Variants in NPHP4 observed in about 807,000 individuals in gnomAD.
The protein encoded by NPHP4 is nephrocystin-4.
A neutral mutation model predicts 155.8 loss-of-function variants in NPHP4; 151 were observed. That is an observed-to-expected ratio of 0.97 (90% CI 0.85 to 1.11). The LOEUF is 1.11. Ranked by LOEUF, NPHP4 falls within the 50% of genes least tolerant of loss-of-function variation. The pLI, the probability that NPHP4 is intolerant of heterozygous loss-of-function variation, is 0.00. For synonymous variants in NPHP4, 845 were observed against 816.8 expected (o/e 1.03, Z -0.59); for missense variants, 1,956 against 1,925.7 (o/e 1.02, Z -0.29).
At chr1:5,983,319 C>T (rs767185320) in intron 2 of NPHP4, among the ~76,000 whole-genome samples, 7 of 152,170 alleles carry the variant, frequency 4.6e-5, no homozygotes, top group Non-Finnish European at 1.0e-4. Flanking sequence ...TGCCCTTTTG[C>T]TGGAGTCTGG....
Position 5,882,218 on chromosome 1 carries a change from GCGC to G in NPHP4, c.2486-1982_2486-1980del. On this transcript the variant is annotated intron_variant, in intron 18 of 29. Transcript: ENST00000378156. The surrounding 1 kb of genome is among the most constrained non-coding windows in gnomAD (Gnocchi z 5.1). Reference sequence around the variant, plus strand: ...GCTTACCCAGCCATCTCTCAGTGGCGCGCTTACCCAGCCATCTCTCAGTGGCGC... The same window carrying G: ...GCTTACCCAGCCATCTCTCAGTGGCGTTACCCAGCCATCTCTCAGTGGCGC... The G allele has an allele frequency of 6.8e-6, 1 of 147,624 alleles. No homozygotes were observed. Among genetic ancestry groups the G allele is most frequent in the African/African-American group, 2.5e-5 (1 of 39,718 alleles). 9.1% of individuals were successfully genotyped at this position (147,624 alleles called of 1,614,324 possible).
At chr1:5,974,685 GA>G (rs141487146) in intron 3 of NPHP4, among the ~76,000 whole-genome samples, 107 of 144,932 alleles carry the variant, frequency 7.4e-4, no homozygotes, top group Middle Eastern at 3.6e-3. Context: ...ATCATTTGCA[GA>G]AAAAAAAAAA....
chr1:5,978,206 C>A, intron 3 of NPHP4, 64 bp downstream of exon 3: 1 of 1,513,802 alleles, frequency 6.6e-7, no homozygotes, highest in South Asian at 1.2e-5. Context: ...GGCTGCCACC[C>A]AGGACCACCC....
At chr1:5,871,724 G>A (rs1642023757) in intron 23 of NPHP4, among the ~76,000 whole-genome samples, 2 of 152,172 alleles carry the variant, frequency 1.3e-5, no homozygotes, top group African/African-American at 4.8e-5. Context: ...CATGGACAAC[G>A]TGGTCTGCCC....
intron 2 of NPHP4, among the ~76,000 whole-genome samples, chr1:5,982,905 A>G (rs936609805): frequency 1.2e-4 from 18 of 152,198 alleles, no homozygotes; most frequent in Non-Finnish European, 2.4e-4. Flanking sequence ...GGGTCCTTTG[A>G]AGCTTATTGG....
rs756111113 is a variant in NPHP4, at chr1:5,866,372, C to A, written c.3644+1G>T. On this transcript the variant is annotated splice_donor_variant, in intron 26 of 29. Coordinates refer to ENST00000378156, the MANE Select transcript of NPHP4 (RefSeq NM_015102.5). LOFTEE classifies it high-confidence loss of function. ...CAGGTCCCCAAAGCCTGTGCACTTA[C>A]GAGTAAATGATGACAAAGAAGTCTT... is the stretch of plus-strand genomic sequence containing the variant. The A allele has an allele frequency of 4.4e-6, 7 of 1,596,392 alleles. No homozygotes were observed. The highest frequency in any genetic ancestry group is 5.1e-6 in the Non-Finnish European group (6 of 1,167,056).
At chr1:5,978,136 G>T in intron 3 of NPHP4, 134 bp downstream of exon 3, 1 of 783,064 alleles carries the variant, frequency 1.3e-6, no homozygotes, top group Non-Finnish European at 2.1e-6. Context: ...TAAGCTCTGT[G>T]CTGCCTGGAC....
At chr1:5,866,259 G>A in intron 26 of NPHP4, 114 bp downstream of exon 26, 1 of 758,010 alleles carries the variant, frequency 1.3e-6, no homozygotes, top group Non-Finnish European at 2.4e-6. Context: ...AGGCCCGAAA[G>A]CTCCCCCAAT....
In NPHP4 at chr1:5,867,468, TC is replaced by T. The variant is rs1641364946; in HGVS notation, c.3472+271del. ...GGCCGTCAGGTGAGGAGGTAGGTGTTCCTCCAGGCACACCTGGACCTGGGCC... is the reference window on the plus strand; with the variant it reads ...GGCCGTCAGGTGAGGAGGTAGGTGTTCTCCAGGCACACCTGGACCTGGGCC... On this transcript the variant is annotated intron_variant, in intron 24 of 29. Coordinates refer to ENST00000378156, the MANE Select transcript of NPHP4 (RefSeq NM_015102.5). This position sits in a 1 kb window ranked among gnomAD's most constrained non-coding sequence, Gnocchi z 4.1. 3 of 562,872 alleles carry T rather than the reference TC, an allele frequency of 5.3e-6. No homozygotes were observed. The highest frequency in any genetic ancestry group is 9.5e-6 in the Non-Finnish European group (3 of 315,196). The allele number at this position is 562,872 out of a possible 1,614,324, so 34.9% of individuals were successfully genotyped here.
In NPHP4 at chr1:5,927,749, G is replaced by C; in HGVS notation, c.1341C>G (p.Phe447Leu). ...QVESGTLRFQ[F>L]SLGSEEHLDA... ...CCAGGTGTTCTTCTGAGCCCAGCGA[G>C]AACTGGAACCGGAGTGTACCCGACT... The change falls in exon 11 of 30, where the codon TTC becomes TTG. Residue 447 changes from phenylalanine to leucine, a missense_variant. Physicochemically the swap from Phe to Leu is conservative, Grantham distance 22 (BLOSUM62 0). Coordinates refer to ENST00000378156, the MANE Select transcript of NPHP4 (RefSeq NM_015102.5). 1 of 1,613,364 alleles carries C rather than the reference G, an allele frequency of 6.2e-7. No homozygotes were observed. Among genetic ancestry groups the C allele is most frequent in the South Asian group, 1.1e-5 (1 of 91,068 alleles).
intron 4 of NPHP4, among the ~76,000 whole-genome samples, chr1:5,968,127 C>T (rs1247147498): frequency 6.6e-6 from 1 of 151,934 alleles, no homozygotes; most frequent in Non-Finnish European, 1.5e-5. Context: ...ATTATCATTA[C>T]TCCTCATATA....
intron 2 of NPHP4, among the ~76,000 whole-genome samples, chr1:5,983,545 G>C (rs1193826734): frequency 6.6e-6 from 1 of 152,126 alleles, no homozygotes; most frequent in Non-Finnish European, 1.5e-5. Context: ...GAGGACTCTT[G>C]GAAGCTTGTA....
At position 5,880,199 on chromosome 1, in the gene NPHP4, C is replaced by T. The variant is rs1271523205; in HGVS notation, c.2526G>A (p.Leu842=). The change falls in exon 19 of 30, where the codon TTG becomes TTA. Residue 842 remains leucine, a synonymous_variant. Transcript: ENST00000378156. ...AGATGACCCGAGATCTGGACGGTGG[C>T]AATGTGCTACAACCTCTCACTTTCT... The part of the protein sequence containing the change: ...CEQKVRGCST[L]PPSRSRVISN... 1.2e-6 allele frequency: 2 copies of T among 1,613,524 alleles called. No individual in the cohort carries two copies. Among genetic ancestry groups the T allele is most frequent in the Non-Finnish European group, 1.7e-6 (2 of 1,179,736 alleles).
At chr1:5,949,247 C>T (rs1000197665) in intron 7 of NPHP4, among the ~76,000 whole-genome samples, 21 of 151,854 alleles carry the variant, frequency 1.4e-4, no homozygotes, top group Non-Finnish European at 4.4e-5. Context: ...TGTTTCAATC[C>T]TATTCTCTGC....
chr1:5,940,740 T>A (rs1646776105), intron 9 of NPHP4, among the ~76,000 whole-genome samples: 1 of 152,130 alleles, frequency 6.6e-6, no homozygotes, highest in East Asian at 1.9e-4. Flanking sequence ...TTAATAAGAA[T>A]TGTTAAAAAT....
chr1:5,889,583 A>G lies in NPHP4; in HGVS notation c.2304+1285T>C, dbSNP rs1391117756. On this transcript the variant is annotated intron_variant, in intron 17 of 29. Transcript: ENST00000378156. This position sits in a 1 kb window ranked among gnomAD's most constrained non-coding sequence, Gnocchi z 4.2. The stretch of plus-strand genomic sequence containing the variant: ...AGCCACTGCCACCCCACACATGCCC[A>G]GCGGGACCCGGCTCTGCCTCCCACA... Among the ~76,000 whole-genome samples, 1 of 152,264 alleles carries G rather than the reference A, an allele frequency of 6.6e-6. No homozygotes were observed. The highest frequency in any genetic ancestry group is 2.1e-4 in the South Asian group (1 of 4,828).
chr1:5,978,351 G>A lies in NPHP4; in HGVS notation c.198C>T (p.Thr66=). Residue 66 remains threonine (T), a synonymous_variant, in exon 3 of 30, where the codon ACC becomes ACT. Coordinates refer to ENST00000378156, the MANE Select transcript of NPHP4 (RefSeq NM_015102.5). The part of the protein sequence containing the change: ...CHLRVSFFDV[T]YRHFFGRTWK... The stretch of plus-strand genomic sequence containing the variant: ...ACGTCCTCCCAAAGAAGTGCCGGTA[G>A]GTGACATCAAAGAAAGACACTCGCA... The A allele has an allele frequency of 6.2e-7, 1 of 1,609,672 alleles. No homozygotes were observed. Among genetic ancestry groups the A allele is most frequent in the South Asian group, 1.1e-5 (1 of 90,358 alleles).
chr1:5,946,572 G>C (rs966777167), intron 9 of NPHP4, among the ~76,000 whole-genome samples: 2 of 152,194 alleles, frequency 1.3e-5, no homozygotes, highest in African/African-American at 4.8e-5. Flanking sequence ...ATATGTATTT[G>C]ATCTTCGTCC....
intron 21 of NPHP4, 52 bp downstream of exon 21, chr1:5,874,822 G>A: frequency 1.9e-6 from 3 of 1,576,992 alleles, no homozygotes; most frequent in Admixed American, 3.4e-5. Context: ...GGTGCCGGCT[G>A]CACCCGACAC....
Sources: gnomAD v4.1 joint callset for allele counts (sites outside exome capture counted in the v4.1 genomes callset) on GRCh38, gnomAD v4.1.1 for gene constraint, Gnocchi (gnomAD v3.1) non-coding constraint, MANE v1.5 for transcripts, NCBI Gene and HGNC (gene_info 2026-07-23, HGNC 2026-07-21) for gene names.